Variants in RBBP4 observed in about 807,000 individuals in gnomAD.
RBBP4 encodes RB binding protein 4, chromatin remodeling factor, also known as histone-binding protein RBBP4.
In RBBP4, 3 loss-of-function variants were observed where a neutral mutation model predicts 57.2. The observed-to-expected ratio is 0.05, with a 90% CI of 0.02 to 0.14. The LOEUF (loss-of-function observed/expected upper bound fraction) is 0.14, where lower values mean the gene tolerates loss of function less well. Ranked by LOEUF, RBBP4 falls within the 10% of genes least tolerant of loss-of-function variation. The probability of loss-of-function intolerance (pLI) is 1.00; values close to 1 mark genes in which losing one functional copy is unlikely to be tolerated. For synonymous variants in RBBP4, 151 were observed against 171.5 expected (o/e 0.88, Z 0.93); for missense variants, 107 against 520.6 (o/e 0.21, Z 7.73).
At chr1:32,653,649 T>TTTTTTTTTG (rs1647999961) in intron 2 of RBBP4, among the ~76,000 whole-genome samples, 1 of 24,006 alleles carries the variant, frequency 4.2e-5, no homozygotes, top group African/African-American at 1.3e-4. Flanking sequence ...TTTTTTTTTT[T>TTTTTTTTTG]TTTTTTTTTT....
chr1:32,660,467 A>G (rs1648355217), intron 3 of RBBP4, among the ~76,000 whole-genome samples: 1 of 151,256 alleles, frequency 6.6e-6, no homozygotes, highest in South Asian at 2.1e-4. Flanking sequence ...CCCAGGCTGT[A>G]GTGCAGTGGC....
chr1:32,657,985 TG>T (rs1371376778), intron 3 of RBBP4, among the ~76,000 whole-genome samples: 2 of 152,164 alleles, frequency 1.3e-5, no homozygotes, highest in Non-Finnish European at 2.9e-5. Context: ...CCTGAGTAGC[TG>T]GGATTACAGG....
Position 32,685,289 on chromosome 1 carries a change from A to T in RBBP4, c.*5584A>T, listed in dbSNP as rs1290882892. On this transcript the variant is annotated 3_prime_UTR_variant, in exon 12 of 12. Coordinates refer to ENST00000373493, the MANE Select transcript of RBBP4 (RefSeq NM_005610.3). ...GAATCAGGCTGGGATGCATTCTGTA[A>T]ATTTTCCCTGCCTAGGATGTATACC... 6.6e-6 allele frequency: 1 copy of T among 152,180 alleles called. No individual in the cohort carries two copies. Among genetic ancestry groups the T allele is most frequent in the Non-Finnish European group, 1.5e-5 (1 of 68,032 alleles). 9.4% of individuals were successfully genotyped at this position (152,180 alleles called of 1,614,324 possible). A position where few individuals can be genotyped will look rare whatever the true frequency, so the allele number is the denominator to read the frequency against.
intron 2 of RBBP4, among the ~76,000 whole-genome samples, chr1:32,656,852 A>G (rs182116001): frequency 6.6e-6 from 1 of 152,266 alleles, no homozygotes; most frequent in African/African-American, 2.4e-5. Flanking sequence ...TGAAAGTTTT[A>G]GTAAGCAAAA....
chr1:32,681,345 A>C lies in RBBP4; in HGVS notation c.*1640A>C, dbSNP rs1649423643. The C allele has an allele frequency of 6.4e-6, 1 of 156,880 alleles. No individual in the cohort carries two copies. Among genetic ancestry groups the C allele is most frequent in the Admixed American group, 6.4e-5 (1 of 15,618 alleles). The allele number at this position is 156,880 out of a possible 1,614,324, so 9.7% of individuals were successfully genotyped here. On this transcript the variant is annotated 3_prime_UTR_variant, in exon 12 of 12. Coordinates refer to ENST00000373493, the MANE Select transcript of RBBP4 (RefSeq NM_005610.3). ...ATGGGTCAGCATATCCTTGAACAAA[A>C]AGTAGACTTTGTAAAAGTATTCATT...
rs766726273 is a variant in RBBP4 at position 32,679,859 on chromosome 1, C to T, written c.*154C>T. 7.6e-7 allele frequency: 1 copy of T among 1,321,490 alleles called. No homozygotes were observed. The highest frequency in any genetic ancestry group is 2.3e-5 in the South Asian group (1 of 44,418). The allele number at this position is 1,321,490 out of a possible 1,614,324, so 81.9% of individuals were successfully genotyped here. A position where few individuals can be genotyped will look rare whatever the true frequency, so the allele number is the denominator to read the frequency against. ...TATTAGCCCAAACCGTGGGTGTTTT[C>T]TAAATATTAATAGGGGGGCTTGATT... On this transcript the variant is annotated 3_prime_UTR_variant, in exon 12 of 12. Coordinates refer to ENST00000373493, the MANE Select transcript of RBBP4 (RefSeq NM_005610.3).
chr1:32,654,687 G>T (rs766429927), intron 2 of RBBP4, among the ~76,000 whole-genome samples: 14 of 151,836 alleles, frequency 9.2e-5, no homozygotes, highest in African/African-American at 1.2e-4. Flanking sequence ...ATTGTTTTTT[G>T]TTGTTGTTGT....
chr1:32,659,011 A>G (rs564246485), intron 3 of RBBP4, among the ~76,000 whole-genome samples: 2 of 147,330 alleles, frequency 1.4e-5, no homozygotes, highest in South Asian at 4.2e-4. Flanking sequence ...AAATATAGTT[A>G]TATATAATTT....
chr1:32,679,051 C>T (rs1184336059), intron 11 of RBBP4, among the ~76,000 whole-genome samples: 3 of 152,150 alleles, frequency 2.0e-5, no homozygotes, highest in Non-Finnish European at 4.4e-5. Flanking sequence ...AATCCTAGCA[C>T]TTTGAGAGGC....
intron 3 of RBBP4, among the ~76,000 whole-genome samples, chr1:32,662,978 T>C (rs1385299130): frequency 6.6e-6 from 1 of 151,964 alleles, no homozygotes; most frequent in Non-Finnish European, 1.5e-5. Flanking sequence ...CGAGCAAGAC[T>C]CGTCTCAAAA....
intron 3 of RBBP4, among the ~76,000 whole-genome samples, chr1:32,658,381 A>G (rs746168691): frequency 6.8e-4 from 102 of 149,970 alleles, no homozygotes; most frequent in Non-Finnish European, 1.2e-3. Context: ...AAAAAGGTTG[A>G]GAAACACTAA....
intron 11 of RBBP4, among the ~76,000 whole-genome samples, chr1:32,675,686 G>A (rs1269757762): frequency 1.3e-5 from 2 of 151,476 alleles, no homozygotes; most frequent in African/African-American, 2.4e-5. Flanking sequence ...GGAGAATGGC[G>A]TGAACCCGGG....
chr1:32,679,717 C>T lies in RBBP4; in HGVS notation c.*12C>T. ...GACAAGGGTCCTAGATATGTCTTTA[C>T]TTGTTGTGATTTTAGACTCCCCTTT... On this transcript the variant is annotated 3_prime_UTR_variant, in exon 12 of 12. Coordinates refer to ENST00000373493, the MANE Select transcript of RBBP4 (RefSeq NM_005610.3). 6.2e-7 allele frequency: 1 copy of T among 1,612,660 alleles called. No individual in the cohort carries two copies. Among genetic ancestry groups the T allele is most frequent in the South Asian group, 1.1e-5 (1 of 90,878 alleles).
chr1:32,665,823 CTAAG>C (rs767961480), intron 3 of RBBP4, among the ~76,000 whole-genome samples: 90 of 152,204 alleles, frequency 5.9e-4, no homozygotes, highest in Admixed American at 1.4e-3. Context: ...AATCACCAAA[CTAAG>C]TAAGTGACAG....
rs374964922 is a variant in RBBP4, at chr1:32,657,510, G to C, written c.248G>C (p.Ser83Thr). The C allele has an allele frequency of 1.9e-6, 3 of 1,614,164 alleles. No homozygotes were observed. The highest frequency in any genetic ancestry group is 1.7e-6 in the Non-Finnish European group (2 of 1,180,008). Residue 83 changes from serine to threonine, a missense_variant, in exon 3 of 12, where the codon AGT becomes ACT. This residue lies in a region of RBBP4 where 92 missense variants were observed against 408.5 expected (regional missense o/e 0.23). Transcript: ENST00000373493. Reference protein sequence around the residue: ...SDEQNHLVIASVQLPNDDAQF... With the variant: ...SDEQNHLVIATVQLPNDDAQF... ...GAACAAAACCATCTTGTTATAGCCA[G>C]TGTGCAGCTCCCTAATGATGATGCT...
chr1:32,664,324 A>G (rs1648555564), intron 3 of RBBP4, among the ~76,000 whole-genome samples: 1 of 152,088 alleles, frequency 6.6e-6, no homozygotes, highest in Admixed American at 6.6e-5. Flanking sequence ...TACGTTTAAT[A>G]TCTACTCAAT....
rs1339182538 is a variant in RBBP4, at chr1:32,682,932, G to A, written c.*3227G>A. The A allele has an allele frequency of 6.6e-6, 1 of 152,110 alleles. No individual in the cohort carries two copies. The highest frequency in any genetic ancestry group is 2.4e-5 in the African/African-American group (1 of 41,390). 9.4% of individuals were successfully genotyped at this position (152,110 alleles called of 1,614,324 possible). ...TATACTGGTAAAACATTGGGGGAGGGATCCTGAGTAGGTGATTGGTCAGAA... is the reference window on the plus strand; with the variant it reads ...TATACTGGTAAAACATTGGGGGAGGAATCCTGAGTAGGTGATTGGTCAGAA... On this transcript the variant is annotated 3_prime_UTR_variant, in exon 12 of 12. Coordinates refer to ENST00000373493, the MANE Select transcript of RBBP4 (RefSeq NM_005610.3).
chr1:32,677,172 T>A (rs1649139240), intron 11 of RBBP4, among the ~76,000 whole-genome samples: 1 of 152,142 alleles, frequency 6.6e-6, no homozygotes, highest in Non-Finnish European at 1.5e-5. Flanking sequence ...CACCTGAGTT[T>A]GTTCTACTGT....
At chr1:32,662,226 A>G (rs1051732689) in intron 3 of RBBP4, 1 of 341,338 alleles carries the variant, frequency 2.9e-6, no homozygotes, top group Non-Finnish European at 6.1e-6. Context: ...TTTAACAAAC[A>G]GTCTCTCTCT....
Sources: allele counts gnomAD v4.1 joint callset (sites outside exome capture counted in the v4.1 genomes callset), GRCh38; gene constraint gnomAD v4.1.1; regional missense constraint gnomAD v4.1.1; transcripts MANE v1.5; gene names NCBI Gene and HGNC (gene_info 2026-07-23, HGNC 2026-07-21).